The following PLA2G4D variants were observed in gnomAD, a reference collection of about 807,000 sequenced individuals.
The protein encoded by PLA2G4D is phospholipase A2 group IVD, also known as cytosolic phospholipase A2 delta.
PLA2G4D carries 80 observed loss-of-function variants against 94.4 expected under a neutral mutation model. The ratio of observed to expected loss-of-function variants is 0.85; its 90% CI spans 0.71 to 1.02. The LOEUF is 1.02. Among genes scored for constraint, PLA2G4D ranks in the 50% least tolerant of loss-of-function variants. The pLI, the probability that PLA2G4D is intolerant of heterozygous loss-of-function variation, is 0.00. For synonymous variants in PLA2G4D, 438 were observed against 440.9 expected, an observed-to-expected ratio of 0.99 and a Z score of 0.08; for missense variants, 1,050 against 1,034.7, an observed-to-expected ratio of 1.01 and a Z score of -0.20.
intron 18 of PLA2G4D, chr15:42,070,443 G>A: frequency 1.9e-6 from 1 of 529,174 alleles, no homozygotes; most frequent in Non-Finnish European, 3.3e-6. Flanking sequence ...TGGACATGGA[G>A]ATGCTAGGGT....
At position 42,068,919 on chromosome 15, in the gene PLA2G4D, C is replaced by A; in HGVS notation, c.2253G>T (p.Glu751Asp). Residue 751 changes from glutamate (E) to aspartate (D), a missense_variant, in exon 20 of 20, where the codon GAG (glutamate) becomes GAT (aspartate). Coordinates refer to ENST00000290472, the MANE Select transcript of PLA2G4D (RefSeq NM_178034.4). ...SAPGVQRSPA[E>D]LQGGQVDLTG... ...TGAGATCCACTTGGCCACCCTGGAG[C>A]TCTGCGGGGCTGCGCTGGACACCTG... The A allele has an allele frequency of 6.2e-7, 1 of 1,611,762 alleles. No individual in the cohort carries two copies. The highest frequency in any genetic ancestry group is 8.5e-7 in the Non-Finnish European group (1 of 1,179,672).
intron 13 of PLA2G4D, among the ~76,000 whole-genome samples, chr15:42,074,346 G>C (rs1889881090): frequency 6.6e-6 from 1 of 152,178 alleles, no homozygotes; most frequent in Non-Finnish European, 1.5e-5. Flanking sequence ...AAACACTGGA[G>C]CTTGGTGCAG....
At position 42,071,114 on chromosome 15, in the gene PLA2G4D, G is replaced by C. The variant is rs199864669; in HGVS notation, c.1876+9C>G. On this transcript the variant is annotated intron_variant, in intron 17 of 19. Coordinates refer to ENST00000290472, the MANE Select transcript of PLA2G4D (RefSeq NM_178034.4). Reference sequence around the variant, plus strand: ...TTGTGACCTAGGGACCCCTGGCCACGGCCCTGACCTGCCCAGGTGGAGAAG... The same window carrying C: ...TTGTGACCTAGGGACCCCTGGCCACCGCCCTGACCTGCCCAGGTGGAGAAG... The C allele has an allele frequency of 4.4e-6, 7 of 1,598,206 alleles. No homozygotes were observed. The highest frequency in any genetic ancestry group is 1.4e-5 in the African/African-American group (1 of 73,842).
chr15:42,081,733 T>A, intron 10 of PLA2G4D, 64 bp downstream of exon 10: 1 of 1,613,398 alleles, frequency 6.2e-7, no homozygotes, highest in East Asian at 2.2e-5. Context: ...ACCACCTTTG[T>A]CCATAGCCCT....
At chr15:42,081,240 G>A (rs1890031319) in intron 11 of PLA2G4D, 107 bp from the exon 12 acceptor site, 1 of 1,503,776 alleles carries the variant, frequency 6.6e-7, no homozygotes, top group African/African-American at 1.4e-5. Flanking sequence ...GGACCGCATA[G>A]TTGGGTCCTG....
rs1388337881 is a variant in PLA2G4D, at chr15:42,080,634, TC to T, written c.1094+362del. Among the ~76,000 whole-genome samples the T allele has an allele frequency of 2.0e-5, 3 of 152,160 alleles. No individual in the cohort carries two copies. In the East Asian group the frequency reaches 5.8e-4, roughly 29 times the overall value. ...TACTTGGGTGATCCCCACACCCCAG[TC>T]CCACGCGGTGTGTGCTAGGATTGTC... is the stretch of plus-strand genomic sequence containing the variant. On this transcript the variant is annotated intron_variant, in intron 12 of 19. Coordinates refer to ENST00000290472, the MANE Select transcript of PLA2G4D (RefSeq NM_178034.4).
At position 42,086,213 on chromosome 15, in the gene PLA2G4D, C is replaced by G. The variant is rs1566865282; in HGVS notation, c.387G>C (p.Gln129His). 2.0e-6 allele frequency: 3 copies of G among 1,531,830 alleles called. No homozygotes were observed. The Admixed American group carries it at 5.7e-5, about 29-fold the overall frequency. 94.9% of individuals were successfully genotyped at this position (1,531,830 alleles called of 1,614,324 possible). Residue 129 changes from glutamine (Q) to histidine (H), a missense_variant and splice_region_variant, in exon 4 of 20, where the codon CAG (glutamine) becomes CAC (histidine). Gln to His is a conservative substitution (Grantham distance 24, BLOSUM62 0). Transcript: ENST00000290472. ...GGGACTTCCCCACCCACCCACCCAC[C>G]TGGGGACTCTGGGAGAAGGTTTTCC... ...LLRKTFSQSPQGEEELDVEFL... is the reference protein window; with the variant it reads ...LLRKTFSQSPHGEEELDVEFL...
At chr15:42,094,297 C>T in intron 1 of PLA2G4D, 118 bp downstream of exon 1, 1 of 1,192,960 alleles carries the variant, frequency 8.4e-7, no homozygotes, top group South Asian at 1.4e-5. Context: ...ATCTCAGACT[C>T]CCTCGCCCTC....
rs1018404737 is a variant in PLA2G4D at position 42,084,169 on chromosome 15, G to A, written c.472-390C>T. 3.9e-5 allele frequency: 8 copies of A among 203,540 alleles called. No homozygotes were observed. The highest frequency in any genetic ancestry group is 2.1e-4 in the Admixed American group (4 of 18,648). 12.6% of individuals were successfully genotyped at this position (203,540 alleles called of 1,614,324 possible). The stretch of plus-strand genomic sequence containing the variant: ...GCCGCCCATCCATAGGAGGGTAGAC[G>A]GGGCGTCGGACAAACCCTCAGAACG... On this transcript the variant is annotated intron_variant, in intron 6 of 19. Coordinates refer to ENST00000290472, the MANE Select transcript of PLA2G4D (RefSeq NM_178034.4). The surrounding 1 kb of genome is among the most constrained non-coding windows in gnomAD (Gnocchi z 4.8).
Position 42,071,127 on chromosome 15 carries a change from C to A in PLA2G4D, c.1872G>T (p.Trp624Cys), listed in dbSNP as rs1240557118. The change falls in exon 17 of 20, where the codon TGG (tryptophan) becomes TGT (cysteine). Residue 624 changes from tryptophan to cysteine, a missense_variant. By Grantham distance (215) the Trp-to-Cys change is radical. Coordinates refer to ENST00000290472, the MANE Select transcript of PLA2G4D (RefSeq NM_178034.4). Reference sequence around the variant, plus strand: ...ACCCCTGGCCACGGCCCTGACCTGCCCAGGTGGAGAAGTCTTTGTGGCTAC... The same window carrying A: ...ACCCCTGGCCACGGCCCTGACCTGCACAGGTGGAGAAGTCTTTGTGGCTAC... ...DYCSHKDFST[W>C]ADYQLDSMPS... is the part of the protein sequence containing the mutation. 3 of 1,610,194 alleles carry A rather than the reference C, an allele frequency of 1.9e-6. No individual in the cohort carries two copies. The highest frequency in any genetic ancestry group is 2.7e-5 in the African/African-American group (2 of 74,674).
Position 42,067,532 on chromosome 15 carries a change from A to G in PLA2G4D, c.*1183T>C, listed in dbSNP as rs1889709123. 7.2e-6 allele frequency: 1 copy of G among 138,178 alleles called. No individual in the cohort carries two copies. The highest frequency in any genetic ancestry group is 2.0e-4 in the East Asian group (1 of 4,916). The allele number at this position is 138,178 out of a possible 1,614,324, so 8.6% of individuals were successfully genotyped here. On this transcript the variant is annotated 3_prime_UTR_variant, in exon 20 of 20. Coordinates refer to ENST00000290472, the MANE Select transcript of PLA2G4D (RefSeq NM_178034.4). Reference sequence around the variant, plus strand: ...TTGGCCTGGGTGACAGAGTGTGATGAGATTCTGTCTCAAAAAAAAAAAAAA... The same window carrying G: ...TTGGCCTGGGTGACAGAGTGTGATGGGATTCTGTCTCAAAAAAAAAAAAAA...
chr15:42,086,194 T>TTGGGGGGGGGGCCCC lies in PLA2G4D; in HGVS notation c.387+18_387+19insGGGGCCCCCCCCCCA. On this transcript the variant is annotated intron_variant, in intron 4 of 19. Transcript: ENST00000290472. Reference sequence around the variant, plus strand: ...GGAAGAAGTGGGGCCCACGGGGACTTCCCCACCCACCCACCCACCTGGGGA... The same window carrying TTGGGGGGGGGGCCCC: ...GGAAGAAGTGGGGCCCACGGGGACTTTGGGGGGGGGGCCCCCCCCACCCACCCACCCACCTGGGGA... 7 of 1,370,440 alleles carry TTGGGGGGGGGGCCCC rather than the reference T, an allele frequency of 5.1e-6. No homozygotes were observed. Among genetic ancestry groups the TTGGGGGGGGGGCCCC allele is most frequent in the Admixed American group, 2.9e-5 (1 of 34,018 alleles). The allele number at this position is 1,370,440 out of a possible 1,614,324, so 84.9% of individuals were successfully genotyped here. A position where few individuals can be genotyped will look rare whatever the true frequency, so the allele number is the denominator to read the frequency against.
Position 42,082,329 on chromosome 15 carries a change from T to C in PLA2G4D, c.733A>G (p.Arg245Gly). Residue 245 changes from arginine to glycine, a missense_variant, in exon 9 of 20, where the codon AGG becomes GGG. Arg to Gly is a moderately radical substitution (Grantham distance 125, BLOSUM62 -2). Transcript: ENST00000290472. ...ACCTCCTTCCCAATGGTCAAGGGCC[T>C]CAGGGGCACAGTGAGGTACCCAGCT... ...NSAGYLTVPLRPLTIGKEVTM... is the reference protein window; with the variant it reads ...NSAGYLTVPLGPLTIGKEVTM... 6.2e-7 allele frequency: 1 copy of C among 1,614,166 alleles called. No homozygotes were observed. Among genetic ancestry groups the C allele is most frequent in the Non-Finnish European group, 8.5e-7 (1 of 1,180,008 alleles).
At chr15:42,086,132 C>G in intron 4 of PLA2G4D, 81 bp downstream of exon 4, 1 of 1,439,534 alleles carries the variant, frequency 6.9e-7, no homozygotes, top group Non-Finnish European at 9.4e-7. Context: ...AGCCTCCCAA[C>G]AGGTGGGAGA....
intron 12 of PLA2G4D, among the ~76,000 whole-genome samples, chr15:42,080,050 TATC>T (rs2141097796): frequency 6.6e-6 from 1 of 152,376 alleles, no homozygotes; most frequent in African/African-American, 2.4e-5. Flanking sequence ...TATTCAAAAA[TATC>T]ATTTCAACAA....
chr15:42,068,989 A>T (rs951844375), intron 19 of PLA2G4D, 48 bp from the exon 20 acceptor site: 5 of 1,536,666 alleles, frequency 3.3e-6, no homozygotes, highest in Non-Finnish European at 4.4e-6. Context: ...CGGGGCTTCT[A>T]CAGCCTGGCA....
At chr15:42,073,763 G>A (rs756576661) in intron 13 of PLA2G4D, among the ~76,000 whole-genome samples, 1 of 152,170 alleles carries the variant, frequency 6.6e-6, no homozygotes, top group Admixed American at 6.5e-5. Context: ...AGATGATCCT[G>A]ATGCCCAGCC....
At chr15:42,081,936 T>C in intron 9 of PLA2G4D, 102 bp from the exon 10 acceptor site, 1 of 1,410,296 alleles carries the variant, frequency 7.1e-7, no homozygotes, top group East Asian at 2.3e-5. Flanking sequence ...TCTTTTTTTT[T>C]TTTTTTTTTT....
rs1890111613 is a variant in PLA2G4D, at chr15:42,084,948, G to A, written c.471+148C>T. 5.9e-6 allele frequency: 5 copies of A among 854,340 alleles called. No homozygotes were observed. Among genetic ancestry groups the A allele is most frequent in the African/African-American group, 1.7e-5 (1 of 59,544 alleles). The allele number at this position is 854,340 out of a possible 1,614,324, so 52.9% of individuals were successfully genotyped here. ...GCCCCTCCAAGACCCACAGCCACAGGTGACCACCTGGCTGGAAGGCTAGGG... is the reference window on the plus strand; with the variant it reads ...GCCCCTCCAAGACCCACAGCCACAGATGACCACCTGGCTGGAAGGCTAGGG... On this transcript the variant is annotated intron_variant, in intron 6 of 19. Coordinates refer to ENST00000290472, the MANE Select transcript of PLA2G4D (RefSeq NM_178034.4). This position sits in a 1 kb window ranked among gnomAD's most constrained non-coding sequence, Gnocchi z 4.8.
Sources: allele counts gnomAD v4.1 joint callset (sites outside exome capture counted in the v4.1 genomes callset), GRCh38; gene constraint gnomAD v4.1.1; non-coding constraint Gnocchi (gnomAD v3.1); transcripts MANE v1.5; gene names NCBI Gene and HGNC (gene_info 2026-07-23, HGNC 2026-07-21).